The following COLQ variants were observed in gnomAD, a reference collection of about 807,000 sequenced individuals.
The protein encoded by COLQ is acetylcholinesterase collagenic tail peptide.
Under a neutral mutation model 69.0 loss-of-function variants are expected in COLQ, and 48 were observed. The observed-to-expected ratio is 0.70, with a 90% CI of 0.55 to 0.88. The LOEUF (loss-of-function observed/expected upper bound fraction) is 0.88, where lower values mean the gene tolerates loss of function less well. Ranked by LOEUF, COLQ falls within the 40% of genes least tolerant of loss-of-function variation. The pLI, the probability that COLQ is intolerant of heterozygous loss-of-function variation, is 0.00. For missense variants in COLQ, 618 were observed against 594.6 expected, an observed-to-expected ratio of 1.04 and a Z score of -0.41; for synonymous variants, 217 against 211.2, an observed-to-expected ratio of 1.03 and a Z score of -0.24.
At chr3:15,479,050 G>A (rs1211881493) in intron 4 of COLQ, 47 bp from the exon 5 acceptor site, 1 of 1,611,604 alleles carries the variant, frequency 6.2e-7, no homozygotes. Flanking sequence ...TGGAAGAGAT[G>A]TTCTGGAAGC....
chr3:15,470,510 C>T lies in COLQ; in HGVS notation c.717+26G>A, dbSNP rs111933330. The T allele has an allele frequency of 1.0e-3, 1,665 of 1,608,230 alleles. 20 individuals carry two copies. The African/African-American group carries it at 0.017, about 16-fold the overall frequency. ...CAGGTCAGGAAGTTCTGACCTCAGG[C>T]GGGTGGTAAGCCCTGGGATCCTTAC... On this transcript the variant is annotated intron_variant, in intron 11 of 16. Coordinates refer to ENST00000383788, the MANE Select transcript of COLQ (RefSeq NM_005677.4).
intron 7 of COLQ, 173 bp downstream of exon 7, chr3:15,475,252 C>T: frequency 1.4e-6 from 1 of 714,184 alleles, no homozygotes; most frequent in Non-Finnish European, 2.4e-6. Context: ...TCCCTATGCC[C>T]CTGCATCCCA....
chr3:15,469,098 A>G (rs761044151), intron 11 of COLQ, among the ~76,000 whole-genome samples: 1 of 152,170 alleles, frequency 6.6e-6, no homozygotes, highest in Non-Finnish European at 1.5e-5. Context: ...AACGACCCCA[A>G]CACCGAGGGT....
At chr3:15,520,719 C>G (rs1046832036) in intron 1 of COLQ, among the ~76,000 whole-genome samples, 98 of 152,148 alleles carry the variant, frequency 6.4e-4, no homozygotes, top group Non-Finnish European at 2.1e-4. Context: ...CCGAATACTT[C>G]CCCTGCTCTG....
At chr3:15,455,394 G>A (rs2062009866) in intron 15 of COLQ, among the ~76,000 whole-genome samples, 2 of 152,214 alleles carry the variant, frequency 1.3e-5, no homozygotes, top group Admixed American at 6.5e-5. Context: ...GCCCTCCAGA[G>A]CCTGCTGCCT....
chr3:15,515,919 G>A (rs1284543126), intron 1 of COLQ, among the ~76,000 whole-genome samples: 1 of 152,260 alleles, frequency 6.6e-6, no homozygotes, highest in Non-Finnish European at 1.5e-5. Flanking sequence ...TGTTGTTTTT[G>A]TATGGATGTG....
chr3:15,494,627 C>G (rs187027853), intron 1 of COLQ, among the ~76,000 whole-genome samples: 7 of 152,250 alleles, frequency 4.6e-5, no homozygotes, highest in Admixed American at 4.6e-4. Context: ...CTCCCACAAG[C>G]AGCCTCCACT....
At chr3:15,496,599 C>A (rs998495722) in intron 1 of COLQ, among the ~76,000 whole-genome samples, 1 of 152,232 alleles carries the variant, frequency 6.6e-6, no homozygotes, top group South Asian at 2.1e-4. Flanking sequence ...GGGAGCAGCA[C>A]GTGGCTCAGC....
At chr3:15,503,518 A>G (rs1435870402) in intron 1 of COLQ, among the ~76,000 whole-genome samples, 3 of 152,114 alleles carry the variant, frequency 2.0e-5, no homozygotes, top group Non-Finnish European at 4.4e-5. Flanking sequence ...GTGAGCAAAA[A>G]ATAAATTTTG....
At position 15,451,380 on chromosome 3, in the gene COLQ, G is replaced by C; in HGVS notation, c.*264C>G. 1.6e-6 allele frequency: 1 copy of C among 628,876 alleles called. No homozygotes were observed. The highest frequency in any genetic ancestry group is 2.7e-5 in the East Asian group (1 of 36,482). 39.0% of individuals were successfully genotyped at this position (628,876 alleles called of 1,614,324 possible). A position where few individuals can be genotyped will look rare whatever the true frequency, so the allele number is the denominator to read the frequency against. ...AAGAGGAAGAGCATTGTAGCCGGTTGTTTGGCCAAATGGTAGCGATGGGGA... is the reference window on the plus strand; with the variant it reads ...AAGAGGAAGAGCATTGTAGCCGGTTCTTTGGCCAAATGGTAGCGATGGGGA... On this transcript the variant is annotated 3_prime_UTR_variant, in exon 17 of 17. Coordinates refer to ENST00000383788, the MANE Select transcript of COLQ (RefSeq NM_005677.4).
intron 11 of COLQ, among the ~76,000 whole-genome samples, chr3:15,468,321 GTTT>G (rs540716062): frequency 0.029 from 2,065 of 71,314 alleles, 62 homozygotes; most frequent in African/African-American, 0.1. Flanking sequence ...AGTTACTGAA[GTTT>G]TTTTTTTTTT....
chr3:15,521,364 G>C (rs575945563), intron 1 of COLQ, among the ~76,000 whole-genome samples, 156 bp downstream of exon 1: 1 of 152,164 alleles, frequency 6.6e-6, no homozygotes, highest in Non-Finnish European at 1.5e-5. Context: ...AGACAAGCTC[G>C]GGTGACAGGA....
chr3:15,516,082 G>A (rs898766907), intron 1 of COLQ, among the ~76,000 whole-genome samples: 3 of 152,210 alleles, frequency 2.0e-5, no homozygotes, highest in African/African-American at 7.2e-5. Context: ...GCTGCACGCA[G>A]AGGCTTGGGA....
chr3:15,463,330 G>T (rs1303663188), intron 12 of COLQ, among the ~76,000 whole-genome samples: 15 of 150,492 alleles, frequency 1.0e-4, no homozygotes, highest in African/African-American at 2.0e-4. Context: ...GTTTTTTTTT[G>T]TTGTTTTTGT....
chr3:15,479,342 T>C lies in COLQ; in HGVS notation c.362A>G (p.Glu121Gly). The C allele has an allele frequency of 6.2e-7, 1 of 1,614,054 alleles. No individual in the cohort carries two copies. Among genetic ancestry groups the C allele is most frequent in the African/African-American group, 1.3e-5 (1 of 75,024 alleles). ...GAAGAAAGTAGTGGTCCATACCTTT[T>C]CTCCCTTTGGTCCTGTCTTGCCAGG... ...GLPGKTGPKG[E>G]KGELGRPGRK... The change falls in exon 4 of 17, where the codon GAA (glutamate) becomes GGA (glycine). Residue 121 changes from glutamate to glycine, a missense_variant. Transcript: ENST00000383788.
intron 15 of COLQ, 138 bp downstream of exon 15, chr3:15,455,761 G>T: frequency 9.2e-7 from 1 of 1,081,186 alleles, no homozygotes; most frequent in South Asian, 1.3e-5. Flanking sequence ...TGGGGTGGGT[G>T]GCACAAGGTG....
intron 12 of COLQ, among the ~76,000 whole-genome samples, chr3:15,461,723 A>T (rs138131957): frequency 6.6e-6 from 1 of 152,086 alleles, no homozygotes; most frequent in East Asian, 1.9e-4. Flanking sequence ...GAGGTTCAAG[A>T]TTCTTTTCTC....
chr3:15,515,861 T>C (rs978482571), intron 1 of COLQ, among the ~76,000 whole-genome samples: 2 of 152,208 alleles, frequency 1.3e-5, no homozygotes, highest in African/African-American at 4.8e-5. Context: ...ACGAGGTTAT[T>C]TGGTGTCTCA....
intron 1 of COLQ, among the ~76,000 whole-genome samples, chr3:15,490,801 T>C (rs957035155): frequency 6.6e-6 from 1 of 152,244 alleles, no homozygotes. Flanking sequence ...TGATCCAACC[T>C]CTTTGGAAAA....
Sources: allele counts gnomAD v4.1 joint callset (sites outside exome capture counted in the v4.1 genomes callset), GRCh38; gene constraint gnomAD v4.1.1; transcripts MANE v1.5; gene names NCBI Gene and HGNC (gene_info 2026-07-23, HGNC 2026-07-21).